CYP2C8: variants seen among roughly 807,000 people sequenced by gnomAD.
The protein encoded by CYP2C8 is cytochrome P450 family 2 subfamily C member 8.
CYP2C8 carries 51 observed loss-of-function variants against 41.3 expected under a neutral mutation model. The ratio of observed to expected loss-of-function variants is 1.24; its 90% CI spans 0.99 to 1.56. The LOEUF (loss-of-function observed/expected upper bound fraction) is 1.56, where lower values mean the gene tolerates loss of function less well. CYP2C8 is among the 40% of genes most tolerant of loss of function. The pLI is 0.00. For synonymous variants in CYP2C8, 218 were observed against 205.8 expected (o/e 1.06, Z -0.51); for missense variants, 651 against 579.9 (o/e 1.12, Z -1.26).
intron 7 of CYP2C8, chr10:95,041,009 T>C (rs2032983168): frequency 4.4e-6 from 2 of 455,972 alleles, no homozygotes; most frequent in African/African-American, 2.0e-5. Context: ...AAATATCTTA[T>C]GAATACAGAA....
At chr10:95,041,060 G>A (rs1216326871) in intron 7 of CYP2C8, 1 of 439,764 alleles carries the variant, frequency 2.3e-6, no homozygotes, top group Non-Finnish European at 4.6e-6. Context: ...AGCTGTTTGT[G>A]TATACTTATG....
chr10:95,055,933 A>G (rs2033307197), intron 5 of CYP2C8, among the ~76,000 whole-genome samples: 1 of 152,032 alleles, frequency 6.6e-6, no homozygotes, highest in Non-Finnish European at 1.5e-5. Flanking sequence ...TGTACAAAAA[A>G]AATACAAAAA....
intron 4 of CYP2C8, among the ~76,000 whole-genome samples, chr10:95,063,391 A>G (rs1258233857): frequency 6.6e-6 from 1 of 152,046 alleles, no homozygotes; most frequent in Non-Finnish European, 1.5e-5. Flanking sequence ...CATTTGTTTG[A>G]TCTTCAATCA....
intron 5 of CYP2C8, among the ~76,000 whole-genome samples, chr10:95,046,367 C>G (rs1350870215): frequency 1.3e-5 from 2 of 152,126 alleles, no homozygotes; most frequent in Non-Finnish European, 2.9e-5. Context: ...TGGCAATGGC[C>G]TTCATCCTAT....
intron 7 of CYP2C8, 53 bp downstream of exon 7, chr10:95,042,837 C>A: frequency 6.7e-7 from 1 of 1,492,702 alleles, no homozygotes; most frequent in South Asian, 1.1e-5. Flanking sequence ...ACCAAACCAG[C>A]ACTATGGAAA....
intron 4 of CYP2C8, among the ~76,000 whole-genome samples, chr10:95,064,091 G>T (rs1297203940): frequency 6.6e-6 from 1 of 152,190 alleles, no homozygotes; most frequent in Non-Finnish European, 1.5e-5. Context: ...CCCACTTGAG[G>T]AGACCGTCTG....
At chr10:95,052,662 T>C (rs2033234242) in intron 5 of CYP2C8, among the ~76,000 whole-genome samples, 2 of 152,090 alleles carry the variant, frequency 1.3e-5, no homozygotes, top group South Asian at 4.1e-4. Flanking sequence ...ATTGATGTGG[T>C]ACATCATATC....
intron 8 of CYP2C8, 25 bp downstream of exon 8, chr10:95,038,872 A>G (rs369971749): frequency 1.2e-5 from 20 of 1,612,136 alleles, no homozygotes; most frequent in African/African-American, 2.7e-5. Context: ...TCCTTTAAAT[A>G]CAAATGGAAA....
At chr10:95,053,604 A>T (rs906660840) in intron 5 of CYP2C8, among the ~76,000 whole-genome samples, 2 of 152,212 alleles carry the variant, frequency 1.3e-5, no homozygotes, top group African/African-American at 4.8e-5. Flanking sequence ...GAATGAATTC[A>T]TGTCCTTTTC....
At chr10:95,038,253 C>T (rs2032265071) in intron 8 of CYP2C8, among the ~76,000 whole-genome samples, 1 of 152,146 alleles carries the variant, frequency 6.6e-6, no homozygotes, top group African/African-American at 2.4e-5. Flanking sequence ...CTCTTAGCTT[C>T]CCTTAAATTT....
rs370459834 is a variant in CYP2C8 at position 95,058,372 on chromosome 10, C to T, written c.782G>A (p.Arg261Gln). The T allele has an allele frequency of 2.0e-5, 32 of 1,613,280 alleles. No individual in the cohort carries two copies. The highest frequency in any genetic ancestry group is 2.7e-5 in the Non-Finnish European group (32 of 1,179,592). Reference sequence around the variant, plus strand: ...GATCAGGAAGCAATCGATAAAGTCCCGAGGATTGTTAACATCCAGTGATGC... The same window carrying T: ...GATCAGGAAGCAATCGATAAAGTCCTGAGGATTGTTAACATCCAGTGATGC... ...HQASLDVNNPRDFIDCFLIKM... is the reference protein window; with the variant it reads ...HQASLDVNNPQDFIDCFLIKM... The change falls in exon 5 of 9, where the codon CGG becomes CAG. Residue 261 changes from arginine (R) to glutamine (Q), a missense_variant. Arg to Gln is a conservative substitution (Grantham distance 43). Transcript: ENST00000371270.
At chr10:95,043,162 T>G in intron 6 of CYP2C8, 85 bp from the exon 7 acceptor site, 2 of 1,280,954 alleles carry the variant, frequency 1.6e-6, no homozygotes, top group Non-Finnish European at 2.3e-6. Flanking sequence ...TAACATGATA[T>G]AAAAATCCCA....
At chr10:95,062,143 A>T (rs1349332317) in intron 4 of CYP2C8, among the ~76,000 whole-genome samples, 1 of 152,156 alleles carries the variant, frequency 6.6e-6, no homozygotes, top group Non-Finnish European at 1.5e-5. Flanking sequence ...AGTTCTGTAG[A>T]TGTCTATTAG....
chr10:95,067,394 A>G (rs1278835092), intron 2 of CYP2C8, 37 bp from the exon 3 acceptor site: 8 of 1,614,136 alleles, frequency 5.0e-6, no homozygotes, highest in Middle Eastern at 1.7e-4. Context: ...GAGAATTCAC[A>G]GCCAAGGAAG....
At chr10:95,049,437 G>A (rs1006267779) in intron 5 of CYP2C8, among the ~76,000 whole-genome samples, 1 of 152,140 alleles carries the variant, frequency 6.6e-6, no homozygotes, top group Non-Finnish European at 1.5e-5. Context: ...GTATTTCTGA[G>A]TACTGAGGGA....
intron 5 of CYP2C8, among the ~76,000 whole-genome samples, chr10:95,051,383 A>G (rs2033212475): frequency 6.6e-6 from 1 of 152,302 alleles, no homozygotes; most frequent in South Asian, 2.1e-4. Flanking sequence ...CAAAATGCAA[A>G]TCTAAGAGTT....
intron 1 of CYP2C8, among the ~76,000 whole-genome samples, 163 bp from the exon 2 acceptor site, chr10:95,067,854 T>C (rs1431245739): frequency 6.6e-6 from 1 of 152,236 alleles, no homozygotes; most frequent in Non-Finnish European, 1.5e-5. Context: ...GTGATTGTTA[T>C]AGCTGCCACT....
intron 7 of CYP2C8, chr10:95,041,084 G>T (rs1342299142): frequency 2.4e-6 from 1 of 416,388 alleles, no homozygotes; most frequent in Non-Finnish European, 4.8e-6. Context: ...ATTTAGTGAG[G>T]GATGTGAGGC....
At chr10:95,062,780 T>G (rs1022610651) in intron 4 of CYP2C8, among the ~76,000 whole-genome samples, 1 of 152,210 alleles carries the variant, frequency 6.6e-6, no homozygotes, top group Non-Finnish European at 1.5e-5. Flanking sequence ...CTGGTACCGG[T>G]TGTTCCTTTC....
Sources: allele counts gnomAD v4.1 joint callset (sites outside exome capture counted in the v4.1 genomes callset), GRCh38; gene constraint gnomAD v4.1.1; transcripts MANE v1.5; gene names NCBI Gene and HGNC (gene_info 2026-07-23, HGNC 2026-07-21).